The following TAB3 variants were observed in gnomAD, a reference collection of about 807,000 sequenced individuals.
The protein encoded by TAB3 is TGF-beta activated kinase 1 (MAP3K7) binding protein 3.
A neutral mutation model predicts 48.1 loss-of-function variants in TAB3; 18 were observed. The ratio of observed to expected loss-of-function variants is 0.37; its 90% CI spans 0.26 to 0.55. TAB3 has a LOEUF of 0.55. Among genes scored for constraint, TAB3 ranks in the 20% least tolerant of loss-of-function variants. The probability of loss-of-function intolerance (pLI) is 0.78; values close to 1 mark genes in which losing one functional copy is unlikely to be tolerated. For missense variants in TAB3, 414 were observed against 549.8 expected (o/e 0.75, Z 2.47); for synonymous variants, 185 against 190.2 (o/e 0.97, Z 0.22).
At chrX:30,887,633 T>C in intron 1 of TAB3, among the ~76,000 whole-genome samples, 1 of 112,634 alleles carries the variant, frequency 8.9e-6, no homozygotes. Context: ...AGTATTGTTC[T>C]GTGCAATCGG....
At position 30,840,267 on chromosome X, in the gene TAB3, C is replaced by CT. The variant is rs776251461; in HGVS notation, c.1888+2698dup. Among the ~76,000 whole-genome samples, 3 of 111,090 alleles carry CT rather than the reference C, an allele frequency of 2.7e-5. No individual in the cohort carries two copies. In the East Asian group the frequency reaches 8.4e-4, roughly 31 times the overall value. On this transcript the variant is annotated intron_variant, in intron 9 of 10. Coordinates refer to ENST00000288422, the MANE Select transcript of TAB3 (RefSeq NM_152787.5). ...ATCTCATTGACTTTCCTTTCTTCTACTTTGTTTTTACTTTGTTCTTGTCTT... is the reference window on the plus strand; with the variant it reads ...ATCTCATTGACTTTCCTTTCTTCTACTTTTGTTTTTACTTTGTTCTTGTCTT...
intron 1 of TAB3, among the ~76,000 whole-genome samples, chrX:30,879,016 C>T (rs766229055): frequency 1.8e-5 from 2 of 111,119 alleles, no homozygotes; most frequent in Non-Finnish European, 3.8e-5. Flanking sequence ...GGTATAAACA[C>T]CTACCTACCC....
At chrX:30,848,415 G>A (rs1210708281) in intron 7 of TAB3, among the ~76,000 whole-genome samples, 4 of 111,300 alleles carry the variant, frequency 3.6e-5, no homozygotes, top group East Asian at 2.8e-4. Flanking sequence ...CCAGCTACTC[G>A]AGAGGCTGAG....
intron 9 of TAB3, chrX:30,835,534 C>T (rs912523598): frequency 3.5e-4 from 39 of 111,782 alleles, no homozygotes; most frequent in African/African-American, 1.2e-3. Context: ...GTGCTCAGAT[C>T]GTGGGACACC....
chrX:30,830,639 G>C lies in TAB3; in HGVS notation c.*788C>G, dbSNP rs1937996790. On this transcript the variant is annotated 3_prime_UTR_variant, in exon 11 of 11. Transcript: ENST00000288422. ...AGGACTTGTTATTTTGAAAACCAAT[G>C]GCCTTAATAAAAACATGCAGTAACT... 9.0e-6 allele frequency: 1 copy of C among 111,716 alleles called. No homozygotes were observed. The highest frequency in any genetic ancestry group is 1.9e-5 in the Non-Finnish European group (1 of 53,082). The allele number at this position is 111,716 out of a possible 1,213,427, so 9.2% of individuals were successfully genotyped here.
intron 7 of TAB3, among the ~76,000 whole-genome samples, chrX:30,851,604 A>G (rs1029273392): frequency 2.7e-5 from 3 of 111,957 alleles, no homozygotes; most frequent in Admixed American, 9.5e-5. Context: ...TCTGCATATA[A>G]TTTCAGAGAA....
chrX:30,885,299 G>A (rs1002198951), intron 1 of TAB3, among the ~76,000 whole-genome samples: 1 of 112,085 alleles, frequency 8.9e-6, no homozygotes, highest in Non-Finnish European at 1.9e-5. Flanking sequence ...TTCCAAGCCC[G>A]CTCACAAAAG....
chrX:30,877,275 C>T (rs1181411659), intron 1 of TAB3, among the ~76,000 whole-genome samples: 1 of 111,789 alleles, frequency 8.9e-6, no homozygotes, highest in Admixed American at 9.5e-5. Flanking sequence ...AAAATACAGG[C>T]TCAGACAAAT....
chrX:30,855,750 CA>C (rs1417785873), intron 5 of TAB3, among the ~76,000 whole-genome samples, 188 bp from the exon 6 acceptor site: 3 of 111,932 alleles, frequency 2.7e-5, no homozygotes, highest in Non-Finnish European at 5.6e-5. Flanking sequence ...TATTATTTTA[CA>C]AACATTTAGC....
At chrX:30,868,025 T>C (rs1283057479) in intron 2 of TAB3, among the ~76,000 whole-genome samples, 4 of 105,354 alleles carry the variant, frequency 3.8e-5, no homozygotes, top group Admixed American at 3.1e-4. Flanking sequence ...GCTGCCCAAG[T>C]AGCTGGGACT....
intron 1 of TAB3, among the ~76,000 whole-genome samples, chrX:30,878,628 T>C (rs1355734610): frequency 1.8e-5 from 2 of 111,099 alleles, no homozygotes; most frequent in Admixed American, 9.6e-5. Context: ...TGGACATATA[T>C]AGAATGCTGT....
chrX:30,867,602 G>GA (rs1252758692), intron 2 of TAB3, 53 bp from the exon 3 acceptor site: 3 of 111,347 alleles, frequency 2.7e-5, no homozygotes, highest in Non-Finnish European at 5.7e-5. Context: ...ACTCAATATG[G>GA]AAAATAACAA....
At chrX:30,870,399 C>T (rs1407044174) in intron 2 of TAB3, among the ~76,000 whole-genome samples, 1 of 112,094 alleles carries the variant, frequency 8.9e-6, no homozygotes, top group Non-Finnish European at 1.9e-5. Flanking sequence ...ATTTCTAACC[C>T]ATTGCCCACT....
intron 1 of TAB3, among the ~76,000 whole-genome samples, chrX:30,884,160 A>T (rs1199576513): frequency 8.9e-6 from 1 of 111,843 alleles, no homozygotes; most frequent in Non-Finnish European, 1.9e-5. Context: ...GCATTAAAAA[A>T]TTGCTACCAG....
rs750197834 is a variant in TAB3, at chrX:30,852,785, A to G, written c.1703T>C (p.Ile568Thr). 2 of 1,210,625 alleles carry G rather than the reference A, an allele frequency of 1.7e-6. No individual in the cohort carries two copies. Among genetic ancestry groups the G allele is most frequent in the Admixed American group, 4.4e-5 (2 of 45,973 alleles). The change falls in exon 7 of 11, where the codon ATC becomes ACC. Residue 568 changes from isoleucine (I) to threonine (T), a missense_variant. Transcript: ENST00000288422. The part of the protein sequence containing the change: ...RLRRVSCTTA[I>T]PTPEEMTRLR... The stretch of plus-strand genomic sequence containing the variant: ...TCCTAACAGATCACTTACCGTAGGG[A>G]TCGCAGTGGTGCAGCTGACTCTTCT...
chrX:30,828,486 A>T lies in TAB3; in HGVS notation c.*2941T>A, dbSNP rs1260590836. 1.8e-5 allele frequency: 2 copies of T among 112,606 alleles called. No individual in the cohort carries two copies. The highest frequency in any genetic ancestry group is 3.3e-5 in the African/African-American group (1 of 30,684). 9.3% of individuals were successfully genotyped at this position (112,606 alleles called of 1,213,427 possible). On this transcript the variant is annotated 3_prime_UTR_variant, in exon 11 of 11. Transcript: ENST00000288422. ...TGTTTCTTTAAAGCCCCCTGCCTCT[A>T]CTCTCTTCCAAACAAAGTCAATATC... is the stretch of plus-strand genomic sequence containing the variant.
intron 7 of TAB3, among the ~76,000 whole-genome samples, chrX:30,851,579 A>G (rs756390305): frequency 2.6e-3 from 295 of 112,098 alleles, no homozygotes; most frequent in Non-Finnish European, 4.6e-3. Flanking sequence ...CCCATATTAA[A>G]CACACTTATG....
At chrX:30,844,229 A>C (rs775298128) in intron 8 of TAB3, 2 of 112,203 alleles carry the variant, frequency 1.8e-5, no homozygotes, top group South Asian at 7.4e-4. Context: ...TTATGAAAAG[A>C]GATTTAGAAA....
chrX:30,834,709 C>A (rs755512528), intron 9 of TAB3: 1 of 111,021 alleles, frequency 9.0e-6, no homozygotes, highest in South Asian at 3.9e-4. Flanking sequence ...CAGCCTTGAT[C>A]TCCTGGGCTC....
Sources: allele counts gnomAD v4.1 joint callset (sites outside exome capture counted in the v4.1 genomes callset), GRCh38; gene constraint gnomAD v4.1.1; transcripts MANE v1.5; gene names NCBI Gene and HGNC (gene_info 2026-07-23, HGNC 2026-07-21).